The following PRKAA1 variants were observed in gnomAD, a reference collection of about 807,000 sequenced individuals.
PRKAA1 encodes the protein 5'-AMP-activated protein kinase catalytic subunit alpha-1.
PRKAA1 carries 23 observed loss-of-function variants against 56.9 expected under a neutral mutation model. The ratio of observed to expected loss-of-function variants is 0.40; its 90% CI spans 0.29 to 0.57. PRKAA1 has a LOEUF of 0.57. Ranked by LOEUF, PRKAA1 falls within the 20% of genes least tolerant of loss-of-function variation. PRKAA1 has a pLI of 0.39. For missense variants in PRKAA1, 413 were observed against 679.7 expected (o/e 0.61, Z 4.36); for synonymous variants, 226 against 227.0 (o/e 1.00, Z 0.04).
chr5:40,775,035 TTAAG>T (rs1743931513), intron 3 of PRKAA1: 2 of 1,130,884 alleles, frequency 1.8e-6, no homozygotes, highest in Non-Finnish European at 2.6e-6. Flanking sequence ...GCCTAGATCT[TTAAG>T]TAATAATAAT....
chr5:40,783,655 A>G lies in PRKAA1; in HGVS notation c.128-6069T>C, dbSNP rs969678496. On this transcript the variant is annotated intron_variant, in intron 1 of 8. Coordinates refer to ENST00000397128, the MANE Select transcript of PRKAA1 (RefSeq NM_006251.6). ...GCACCTGTAATCCCAGCTACTTAGGAGGCTGAGGCAGGAGAATCGCTTGAA... is the reference window on the plus strand; with the variant it reads ...GCACCTGTAATCCCAGCTACTTAGGGGGCTGAGGCAGGAGAATCGCTTGAA... Among the ~76,000 whole-genome samples the G allele has an allele frequency of 7.2e-5, 11 of 152,168 alleles. 1 individual carries two copies.
chr5:40,777,374 T>G, intron 2 of PRKAA1, 71 bp downstream of exon 2: 1 of 1,466,864 alleles, frequency 6.8e-7, no homozygotes. Flanking sequence ...TTTTCTCACT[T>G]GTCACATTAA....
At chr5:40,779,882 G>A (rs759734113) in intron 1 of PRKAA1, among the ~76,000 whole-genome samples, 10 of 150,902 alleles carry the variant, frequency 6.6e-5, no homozygotes, top group Non-Finnish European at 1.2e-4. Context: ...CACTTTCATG[G>A]AGTCAAATAT....
Position 40,770,740 on chromosome 5 carries a change from C to T in PRKAA1, c.508+979G>A, listed in dbSNP as rs190671248. Among the ~76,000 whole-genome samples the T allele has an allele frequency of 1.3e-3, 193 of 149,874 alleles. 3 individuals carry two copies. The highest frequency in any genetic ancestry group is 4.5e-3 in the African/African-American group (179 of 39,714). On this transcript the variant is annotated intron_variant, in intron 4 of 8. Transcript: ENST00000397128. The stretch of plus-strand genomic sequence containing the variant: ...CAGGGTAGTGGGGACTATAGGCACG[C>T]ACCACCATGCCCAGCTAATTTTGTA...
chr5:40,786,885 C>A (rs1386513769), intron 1 of PRKAA1, among the ~76,000 whole-genome samples: 1 of 149,082 alleles, frequency 6.7e-6, no homozygotes, highest in Non-Finnish European at 1.5e-5. Context: ...TTGAACAGAG[C>A]AGGCAGAGGT....
At chr5:40,765,700 A>T (rs1212363014) in intron 6 of PRKAA1, among the ~76,000 whole-genome samples, 1 of 152,020 alleles carries the variant, frequency 6.6e-6, no homozygotes, top group East Asian at 1.9e-4. Flanking sequence ...TCATCATCGA[A>T]ACAATTATAT....
chr5:40,783,140 T>C (rs1457118256), intron 1 of PRKAA1, among the ~76,000 whole-genome samples: 1 of 152,126 alleles, frequency 6.6e-6, no homozygotes, highest in Non-Finnish European at 1.5e-5. Flanking sequence ...TTTTTTAATC[T>C]GTAGTTTTCC....
rs1375469888 is a variant in PRKAA1 at position 40,762,496 on chromosome 5, A to C, written c.*282T>G. ...ATTAATATTTCAAAGCCCTGTGTACACTAAATATAAAATAGCCAAAAATCA... is the reference window on the plus strand; with the variant it reads ...ATTAATATTTCAAAGCCCTGTGTACCCTAAATATAAAATAGCCAAAAATCA... On this transcript the variant is annotated 3_prime_UTR_variant, in exon 9 of 9. Coordinates refer to ENST00000397128, the MANE Select transcript of PRKAA1 (RefSeq NM_006251.6). The C allele has an allele frequency of 2.9e-6, 1 of 343,538 alleles. No individual in the cohort carries two copies. The allele number at this position is 343,538 out of a possible 1,614,324, so 21.3% of individuals were successfully genotyped here. A position where few individuals can be genotyped will look rare whatever the true frequency, so the allele number is the denominator to read the frequency against.
intron 1 of PRKAA1, among the ~76,000 whole-genome samples, chr5:40,779,787 C>G (rs932252031): frequency 2.0e-5 from 3 of 152,076 alleles, no homozygotes; most frequent in Non-Finnish European, 2.9e-5. Flanking sequence ...ATGAACAAAA[C>G]GGACATCTCT....
At position 40,759,701 on chromosome 5, in the gene PRKAA1, C is replaced by T. The variant is rs960628382; in HGVS notation, c.*3077G>A. 6.6e-6 allele frequency: 1 copy of T among 152,248 alleles called. No individual in the cohort carries two copies. The highest frequency in any genetic ancestry group is 2.4e-5 in the African/African-American group (1 of 41,406). 9.4% of individuals were successfully genotyped at this position (152,248 alleles called of 1,614,324 possible). A position where few individuals can be genotyped will look rare whatever the true frequency, so the allele number is the denominator to read the frequency against. On this transcript the variant is annotated 3_prime_UTR_variant, in exon 9 of 9. Transcript: ENST00000397128. ...AGTTCCACATCTAGCCCCAGGCTAC[C>T]AAGCATTAATTCAATGTAAATGGTG... is the stretch of plus-strand genomic sequence containing the variant.
intron 4 of PRKAA1, among the ~76,000 whole-genome samples, 179 bp from the exon 5 acceptor site, chr5:40,769,682 A>C (rs1043503971): frequency 3.9e-5 from 6 of 152,168 alleles, no homozygotes; most frequent in African/African-American, 1.2e-4. Context: ...AAAATGTGTA[A>C]TCTATTTCAA....
At chr5:40,781,245 G>A (rs1425312487) in intron 1 of PRKAA1, among the ~76,000 whole-genome samples, 1 of 152,050 alleles carries the variant, frequency 6.6e-6, no homozygotes, top group Non-Finnish European at 1.5e-5. Context: ...TTCAACATTT[G>A]GGATTATGGC....
At chr5:40,768,327 G>C (rs1029440301) in intron 5 of PRKAA1, 1 of 639,260 alleles carries the variant, frequency 1.6e-6, no homozygotes, top group East Asian at 1.4e-4. Flanking sequence ...AGAGCTTGAA[G>C]AAAGACTTTA....
In PRKAA1 at chr5:40,762,480, T is replaced by G. The variant is rs1561163835; in HGVS notation, c.*298A>C. On this transcript the variant is annotated 3_prime_UTR_variant, in exon 9 of 9. Coordinates refer to ENST00000397128, the MANE Select transcript of PRKAA1 (RefSeq NM_006251.6). ...GAAGGCCTTTATGTAAATTAATATT[T>G]CAAAGCCCTGTGTACACTAAATATA... The G allele has an allele frequency of 3.8e-6, 1 of 265,748 alleles. No homozygotes were observed. Among genetic ancestry groups the G allele is most frequent in the Non-Finnish European group, 7.3e-6 (1 of 137,544 alleles). The allele number at this position is 265,748 out of a possible 1,614,324, so 16.5% of individuals were successfully genotyped here.
chr5:40,765,850 G>C lies in PRKAA1; in HGVS notation c.822-612C>G, dbSNP rs908648790. 3.3e-5 allele frequency among the ~76,000 whole-genome samples: 5 copies of C among 152,098 alleles called. No individual in the cohort carries two copies. The East Asian group carries it at 9.7e-4, about 29-fold the overall frequency. ...TGTGTGACTGGAAAGGCCATGCCCT[G>C]AATGATTTCCTATTCTAATTCCCTA... On this transcript the variant is annotated intron_variant, in intron 6 of 8. Coordinates refer to ENST00000397128, the MANE Select transcript of PRKAA1 (RefSeq NM_006251.6).
chr5:40,797,931 A>C, intron 1 of PRKAA1, 132 bp downstream of exon 1: 1 of 1,274,546 alleles, frequency 7.8e-7, no homozygotes, highest in Non-Finnish European at 1.0e-6. Flanking sequence ...GAGCTCCCGC[A>C]GGATCCGGGA....
At chr5:40,789,470 A>G (rs918854017) in intron 1 of PRKAA1, among the ~76,000 whole-genome samples, 1 of 152,186 alleles carries the variant, frequency 6.6e-6, no homozygotes, top group Non-Finnish European at 1.5e-5. Flanking sequence ...AAAACTAAAA[A>G]TAGAATTACT....
rs760363337 is a variant in PRKAA1, at chr5:40,772,618, T to TG, written c.364-756dup. Among the ~76,000 whole-genome samples the TG allele has an allele frequency of 4.2e-4, 64 of 151,694 alleles. 1 individual carries two copies. Among genetic ancestry groups the TG allele is most frequent in the African/African-American group, 1.5e-4 (6 of 41,328 alleles). ...TTCATTTTTGTTTTTTGTGTTTTTT[T>TG]GGGGGGGCGGGGTTTTAAATTTATC... On this transcript the variant is annotated intron_variant, in intron 3 of 8. Coordinates refer to ENST00000397128, the MANE Select transcript of PRKAA1 (RefSeq NM_006251.6).
Position 40,775,621 on chromosome 5 carries a change from G to C in PRKAA1, c.270-118C>G, listed in dbSNP as rs939267711. ...TAGGCTAGGAGCTAGAAAAACTGCA[G>C]GAAACAAAAATTCTCTGCTCTCATG... On this transcript the variant is annotated intron_variant, in intron 2 of 8. Transcript: ENST00000397128. The C allele has an allele frequency of 6.7e-6, 5 of 743,040 alleles. No homozygotes were observed. In the African/African-American group the frequency reaches 9.0e-5, roughly 13 times the overall value. The allele number at this position is 743,040 out of a possible 1,614,324, so 46.0% of individuals were successfully genotyped here.
Sources: gnomAD v4.1 joint callset for allele counts (sites outside exome capture counted in the v4.1 genomes callset) on GRCh38, gnomAD v4.1.1 for gene constraint, MANE v1.5 for transcripts, NCBI Gene and HGNC (gene_info 2026-07-23, HGNC 2026-07-21) for gene names.